Variants in GATA4 observed in about 807,000 individuals in gnomAD.
GATA4 encodes GATA binding protein 4.
A neutral mutation model predicts 37.9 loss-of-function variants in GATA4; 7 were observed. The ratio of observed to expected loss-of-function variants is 0.18; its 90% CI spans 0.11 to 0.35. GATA4 has a LOEUF of 0.35. GATA4 is among the 10% of genes least tolerant of loss of function. The pLI, the probability that GATA4 is intolerant of heterozygous loss-of-function variation, is 1.00. For synonymous variants in GATA4, 372 were observed against 292.6 expected (o/e 1.27, Z -2.77); for missense variants, 647 against 653.0 (o/e 0.99, Z 0.10).
At chr8:11,732,931 C>T (rs886872419) in intron 2 of GATA4, among the ~76,000 whole-genome samples, 1 of 152,150 alleles carries the variant, frequency 6.6e-6, no homozygotes, top group Non-Finnish European at 1.5e-5. Context: ...CTCAGCTCTC[C>T]TGCCTGTTCG....
At position 11,759,985 on chromosome 8, in the gene GATA4, T is replaced by C. The variant is rs909869303; in HGVS notation, c.*1510T>C. ...AAAATCAGTATTTAACTAATAAATT[T>C]ATCTGTATTCCTCTTTCCCTCGTCC... On this transcript the variant is annotated 3_prime_UTR_variant, in exon 7 of 7. Transcript: ENST00000532059. The C allele has an allele frequency of 1.3e-5, 2 of 152,698 alleles. No homozygotes were observed. The highest frequency in any genetic ancestry group is 4.8e-5 in the African/African-American group (2 of 41,474). The allele number at this position is 152,698 out of a possible 1,614,324, so 9.5% of individuals were successfully genotyped here.
At chr8:11,710,814 A>C (rs1252475300) in intron 2 of GATA4, among the ~76,000 whole-genome samples, 3 of 152,120 alleles carry the variant, frequency 2.0e-5, no homozygotes, top group Non-Finnish European at 4.4e-5. Flanking sequence ...CATGAGTTAC[A>C]TCCAGCAGTG....
At position 11,708,686 on chromosome 8, in the gene GATA4, C is replaced by T; in HGVS notation, c.374C>T (p.Ala125Val). The stretch of plus-strand genomic sequence containing the variant: ...CTGGCGGCCGCCGCCGCCGCTGCCG[C>T]GGCCCGGGAAGCTGCGGCCTACAGC... ...GSLAAAAAAA[A>V]AREAAAYSSG... The change falls in exon 2 of 7, where the codon GCG (alanine) becomes GTG (valine). Residue 125 changes from alanine to valine, a missense_variant. Around this residue, in one of 5 missense-constraint regions of GATA4, gnomAD observed 379 missense variants for 334.5 expected, o/e 1.13. Coordinates refer to ENST00000532059, the MANE Select transcript of GATA4 (RefSeq NM_001308093.3). The surrounding 1 kb of genome is among the most constrained non-coding windows in gnomAD (Gnocchi z 6.7). 1 of 1,278,834 alleles carries T rather than the reference C, an allele frequency of 7.8e-7. No homozygotes were observed. The highest frequency in any genetic ancestry group is 9.8e-7 in the Non-Finnish European group (1 of 1,017,200). 79.2% of individuals were successfully genotyped at this position (1,278,834 alleles called of 1,614,324 possible). A position where few individuals can be genotyped will look rare whatever the true frequency, so the allele number is the denominator to read the frequency against.
intron 2 of GATA4, among the ~76,000 whole-genome samples, chr8:11,740,881 G>A (rs1397154730): frequency 1.3e-5 from 2 of 152,084 alleles, no homozygotes; most frequent in East Asian, 3.9e-4. Flanking sequence ...TTACAGGCGT[G>A]CACCAACATG....
intron 2 of GATA4, among the ~76,000 whole-genome samples, chr8:11,740,739 G>GTTT (rs35512328): frequency 6.8e-6 from 1 of 146,842 alleles, no homozygotes; most frequent in Non-Finnish European, 1.5e-5. Flanking sequence ...TTCCTTTTCC[G>GTTT]TTTTTTTTTT....
At chr8:11,755,179 C>T (rs757989086) in intron 5 of GATA4, 46 bp downstream of exon 5, 1 of 1,497,286 alleles carries the variant, frequency 6.7e-7, no homozygotes, top group Non-Finnish European at 9.3e-7. Context: ...ATCAGGAGCC[C>T]TCAGAGTGCC....
intron 1 of GATA4, among the ~76,000 whole-genome samples, chr8:11,680,201 G>A (rs1798910728): frequency 6.6e-6 from 1 of 152,164 alleles, no homozygotes; most frequent in Non-Finnish European, 1.5e-5. Context: ...CTTAACGTCC[G>A]GAATGTCCCG....
Position 11,749,191 on chromosome 8 carries a change from G to A in GATA4, c.786+106G>A. 9.3e-7 allele frequency: 1 copy of A among 1,073,464 alleles called. No individual in the cohort carries two copies. Among genetic ancestry groups the A allele is most frequent in the Non-Finnish European group, 1.4e-6 (1 of 722,708 alleles). The allele number at this position is 1,073,464 out of a possible 1,614,324, so 66.5% of individuals were successfully genotyped here. On this transcript the variant is annotated intron_variant, in intron 3 of 6. Coordinates refer to ENST00000532059, the MANE Select transcript of GATA4 (RefSeq NM_001308093.3). The surrounding 1 kb of genome is among the most constrained non-coding windows in gnomAD (Gnocchi z 4.6). ...TTTGGAACTTGAGGGTGTGCATCGG[G>A]GATTACGTGGGTGAGAGCCCCATAA...
Position 11,748,906 on chromosome 8 carries a change from C to A in GATA4, c.617-10C>A. 1.2e-6 allele frequency: 2 copies of A among 1,614,174 alleles called. No homozygotes were observed. Among genetic ancestry groups the A allele is most frequent in the Non-Finnish European group, 1.7e-6 (2 of 1,179,992 alleles). ...TCTGTGTCTTTTCTTGTCTGTTCCCCCCAACTCAGTAGATATGTTTGACGA... is the reference window on the plus strand; with the variant it reads ...TCTGTGTCTTTTCTTGTCTGTTCCCACCAACTCAGTAGATATGTTTGACGA... On this transcript the variant is annotated splice_polypyrimidine_tract_variant and intron_variant, in intron 2 of 6. Transcript: ENST00000532059.
rs575090710 is a variant in GATA4, at chr8:11,711,908, A to G, written c.616+2980A>G. Among the ~76,000 whole-genome samples, 6 of 152,256 alleles carry G rather than the reference A, an allele frequency of 3.9e-5. No homozygotes were observed. In the South Asian group the frequency reaches 1.2e-3, roughly 32 times the overall value. On this transcript the variant is annotated intron_variant, in intron 2 of 6. Transcript: ENST00000532059. ...TGGAGGGAAGATGAGAACTGACCCCAGCTTTCTGAGGAGTTGCCACTGAGC... is the reference window on the plus strand; with the variant it reads ...TGGAGGGAAGATGAGAACTGACCCCGGCTTTCTGAGGAGTTGCCACTGAGC...
intron 2 of GATA4, among the ~76,000 whole-genome samples, chr8:11,719,636 C>G (rs182045264): frequency 6.6e-6 from 1 of 152,180 alleles, no homozygotes; most frequent in East Asian, 1.9e-4. Flanking sequence ...AGGCATTAAT[C>G]CTTGACTTCC....
At chr8:11,726,143 C>A (rs1310400435) in intron 2 of GATA4, among the ~76,000 whole-genome samples, 2 of 152,352 alleles carry the variant, frequency 1.3e-5, no homozygotes, top group Non-Finnish European at 2.9e-5. Flanking sequence ...AGCCCGGAAT[C>A]CATCCTGAAG....
At chr8:11,752,514 G>A (rs1460691426) in intron 4 of GATA4, among the ~76,000 whole-genome samples, 1 of 152,196 alleles carries the variant, frequency 6.6e-6, no homozygotes, top group African/African-American at 2.4e-5. Context: ...AACAGTATGG[G>A]AGAAACCGCC....
rs780683869 is a variant in GATA4 at position 11,709,575 on chromosome 8, C to CGGGGGGGGGG, written c.616+649_616+658dup. ...GCGCGTGGGCGCATCATGCGGGCAG[C>CGGGGGGGGGG]GGGGGGGGGGGCGCACACGCCCGGT... is the stretch of plus-strand genomic sequence containing the variant. On this transcript the variant is annotated intron_variant, in intron 2 of 6. Transcript: ENST00000532059. The surrounding 1 kb of genome is among the most constrained non-coding windows in gnomAD (Gnocchi z 4.3). Among the ~76,000 whole-genome samples the CGGGGGGGGGG allele has an allele frequency of 1.1e-5, 1 of 93,864 alleles. No individual in the cohort carries two copies. The highest frequency in any genetic ancestry group is 6.8e-5 in the African/African-American group (1 of 14,604). The allele number at this position is 93,864 out of a possible 152,430, so 61.6% of individuals were successfully genotyped here.
intron 1 of GATA4, among the ~76,000 whole-genome samples, chr8:11,686,204 T>C (rs1252451652): frequency 7.1e-6 from 1 of 140,076 alleles, no homozygotes; most frequent in Non-Finnish European, 1.5e-5. Context: ...CAAAAGATCT[T>C]GTACTGGGTC....
chr8:11,689,576 A>G (rs1274421036), upstream of GATA4, among the ~76,000 whole-genome samples: 3 of 152,220 alleles, frequency 2.0e-5, no homozygotes, highest in East Asian at 3.8e-4. Flanking sequence ...GAGGTGCAAT[A>G]TGTGCCTGGT....
At chr8:11,729,352 G>A (rs376254068) in intron 2 of GATA4, among the ~76,000 whole-genome samples, 7 of 152,068 alleles carry the variant, frequency 4.6e-5, no homozygotes, top group East Asian at 1.9e-4. Flanking sequence ...AACGGATCAC[G>A]AGGTCAGGAG....
chr8:11,694,452 T>C (rs1261698982), intron 1 of GATA4: 1 of 984,842 alleles, frequency 1.0e-6, no homozygotes, highest in Non-Finnish European at 1.2e-6. Flanking sequence ...CCCCAGAACA[T>C]TGCGCTGCCA....
At chr8:11,754,600 G>C (rs947997134) in intron 4 of GATA4, among the ~76,000 whole-genome samples, 2 of 152,176 alleles carry the variant, frequency 1.3e-5, no homozygotes, top group African/African-American at 4.8e-5. Flanking sequence ...TGAAATGCCT[G>C]CCTCTGTCTA....
Sources: gnomAD v4.1 joint callset for allele counts (sites outside exome capture counted in the v4.1 genomes callset) on GRCh38, gnomAD v4.1.1 for gene constraint, gnomAD v4.1.1 regional missense constraint, Gnocchi (gnomAD v3.1) non-coding constraint, MANE v1.5 for transcripts, NCBI Gene and HGNC (gene_info 2026-07-23, HGNC 2026-07-21) for gene names.